Variants in MAP2 observed in about 807,000 individuals in gnomAD.
The protein encoded by MAP2 is microtubule-associated protein 2.
Under a neutral mutation model 137.6 loss-of-function variants are expected in MAP2, and 14 were observed. The observed-to-expected ratio is 0.10, with a 90% CI of 0.07 to 0.16. MAP2 has a LOEUF of 0.16. Ranked by LOEUF, MAP2 falls within the 10% of genes least tolerant of loss-of-function variation. MAP2 has a pLI of 1.00. For missense variants in MAP2, 2,088 were observed against 2,191.5 expected, an observed-to-expected ratio of 0.95 and a Z score of 0.94; for synonymous variants, 786 against 782.3, an observed-to-expected ratio of 1.00 and a Z score of -0.08.
At chr2:209,476,429 G>A (rs531781146) in intron 1 of MAP2, among the ~76,000 whole-genome samples, 18 of 145,178 alleles carry the variant, frequency 1.2e-4, no homozygotes, top group Admixed American at 1.0e-3. Context: ...TCTGCTATAC[G>A]TATAATTCAG....
At chr2:209,677,582 T>G (rs1203656265) in intron 5 of MAP2, among the ~76,000 whole-genome samples, 1 of 152,040 alleles carries the variant, frequency 6.6e-6, no homozygotes, top group African/African-American at 2.4e-5. Context: ...TTCATACCAC[T>G]AAAAGAGTTG....
intron 2 of MAP2, among the ~76,000 whole-genome samples, chr2:209,512,111 A>T (rs1240123959): frequency 6.6e-6 from 1 of 152,118 alleles, no homozygotes; most frequent in Middle Eastern, 3.2e-3. Context: ...TGTAAAATGG[A>T]AACAAAAATA....
intron 5 of MAP2, among the ~76,000 whole-genome samples, chr2:209,664,278 G>T (rs1484220935): frequency 6.6e-6 from 1 of 152,222 alleles, no homozygotes; most frequent in Admixed American, 6.5e-5. Flanking sequence ...GGCTGGGCAT[G>T]GTGGCTTGCG....
chr2:209,678,146 AT>A (rs2052806726), intron 5 of MAP2, among the ~76,000 whole-genome samples: 1 of 152,078 alleles, frequency 6.6e-6, no homozygotes, highest in African/African-American at 2.4e-5. Flanking sequence ...AATTGTTTCT[AT>A]TTTTGTAAAC....
chr2:209,443,816 C>G (rs1698404096), intron 1 of MAP2, among the ~76,000 whole-genome samples: 1 of 151,498 alleles, frequency 6.6e-6, no homozygotes, highest in African/African-American at 2.4e-5. Context: ...AATGTTTCAA[C>G]ACCGTCATTA....
At chr2:209,642,723 A>G (rs2094133628) in intron 4 of MAP2, among the ~76,000 whole-genome samples, 1 of 152,180 alleles carries the variant, frequency 6.6e-6, no homozygotes, top group Admixed American at 6.6e-5. Flanking sequence ...TGAAACAAAT[A>G]TCTGGATTTT....
At chr2:209,470,385 A>G (rs1249844816) in intron 1 of MAP2, among the ~76,000 whole-genome samples, 1 of 151,888 alleles carries the variant, frequency 6.6e-6, no homozygotes, top group Non-Finnish European at 1.5e-5. Context: ...TTTGTGCTAT[A>G]CTGTAATTAC....
intron 4 of MAP2, among the ~76,000 whole-genome samples, chr2:209,635,680 T>TA (rs35467107): frequency 6.6e-6 from 1 of 151,948 alleles, no homozygotes; most frequent in African/African-American, 2.4e-5. Flanking sequence ...ATTTATCTGC[T>TA]AAAAAAATTC....
intron 3 of MAP2, among the ~76,000 whole-genome samples, chr2:209,586,634 T>C (rs1377249560): frequency 1.3e-5 from 2 of 152,156 alleles, no homozygotes; most frequent in East Asian, 1.9e-4. Flanking sequence ...TAAGAGTAGA[T>C]GCTAAGAGAT....
intron 4 of MAP2, among the ~76,000 whole-genome samples, chr2:209,626,582 C>A (rs971758844): frequency 6.6e-6 from 1 of 152,080 alleles, no homozygotes; most frequent in African/African-American, 2.4e-5. Flanking sequence ...ATGTCAAAAC[C>A]CTAAAGATCA....
At position 209,666,806 on chromosome 2, in the gene MAP2, AT is replaced by A. The variant is rs915884956; in HGVS notation, c.263-11758del. Among the ~76,000 whole-genome samples the A allele has an allele frequency of 2.4e-4, 36 of 151,734 alleles. No individual in the cohort carries two copies. The South Asian group carries it at 6.5e-3, about 27-fold the overall frequency. On this transcript the variant is annotated intron_variant, in intron 5 of 15. Coordinates refer to ENST00000682079, the MANE Select transcript of MAP2 (RefSeq NM_001375505.1). ...GAATTACTAGATAAGTTTGAATTTA[AT>A]TTTTTTTGATGTGAAGAAAAAAACT...
intron 3 of MAP2, among the ~76,000 whole-genome samples, chr2:209,583,117 C>G (rs2076863484): frequency 7.0e-6 from 1 of 143,768 alleles, no homozygotes; most frequent in South Asian, 2.3e-4. Flanking sequence ...CAAAATATCT[C>G]TATCTATCTA....
intron 1 of MAP2, among the ~76,000 whole-genome samples, chr2:209,505,061 C>A (rs527700152): frequency 4.6e-4 from 70 of 152,070 alleles, no homozygotes; most frequent in African/African-American, 1.5e-3. Context: ...TTCCTTTACT[C>A]TCCTAGTATT....
chr2:209,434,796 T>G (rs1257505422), intron 1 of MAP2, among the ~76,000 whole-genome samples: 4 of 147,140 alleles, frequency 2.7e-5, no homozygotes, highest in Non-Finnish European at 6.0e-5. Flanking sequence ...TACTCCAGCC[T>G]GCATGACAGA....
intron 3 of MAP2, among the ~76,000 whole-genome samples, chr2:209,595,522 A>T (rs1306683225): frequency 2.6e-5 from 4 of 152,226 alleles, no homozygotes; most frequent in African/African-American, 7.2e-5. Context: ...AGTGTAAACT[A>T]GTTCAACCAT....
At chr2:209,546,356 C>A (rs2068065806) in intron 2 of MAP2, among the ~76,000 whole-genome samples, 2 of 152,090 alleles carry the variant, frequency 1.3e-5, no homozygotes, top group Admixed American at 6.5e-5. Flanking sequence ...GTTTGTGCAT[C>A]TTAATGCTAC....
intron 1 of MAP2, among the ~76,000 whole-genome samples, chr2:209,481,337 G>T (rs1708714465): frequency 6.6e-6 from 1 of 152,168 alleles, no homozygotes; most frequent in South Asian, 2.1e-4. Flanking sequence ...TCCATCACTG[G>T]ATGTGGGCTA....
At position 209,637,606 on chromosome 2, in the gene MAP2, G is replaced by A. The variant is rs193284117; in HGVS notation, c.-30+12477G>A. 1.4e-4 allele frequency among the ~76,000 whole-genome samples: 21 copies of A among 152,232 alleles called. No individual in the cohort carries two copies. In the East Asian group the frequency reaches 3.7e-3, roughly 27 times the overall value. ...GATCAGTCCACAGTGGCCCTTTTAA[G>A]GATGCTGTTACCAGTAATACTTCTA... On this transcript the variant is annotated intron_variant, in intron 4 of 15. Transcript: ENST00000682079.
At chr2:209,631,394 T>C (rs2093032893) in intron 4 of MAP2, among the ~76,000 whole-genome samples, 1 of 152,112 alleles carries the variant, frequency 6.6e-6, no homozygotes. Context: ...ACCTCAGTCC[T>C]ATGGTCATTG....
Sources: allele counts gnomAD v4.1 joint callset (sites outside exome capture counted in the v4.1 genomes callset), GRCh38; gene constraint gnomAD v4.1.1; transcripts MANE v1.5; gene names NCBI Gene and HGNC (gene_info 2026-07-23, HGNC 2026-07-21).